OR2M3: variants seen among roughly 807,000 people sequenced by gnomAD.
OR2M3 encodes the protein olfactory receptor 2M3.
A neutral mutation model predicts 4.3 loss-of-function variants in OR2M3; 1 was observed. That is an observed-to-expected ratio of 0.23 (90% CI 0.08 to 1.11). The LOEUF (loss-of-function observed/expected upper bound fraction) is 1.11, where lower values mean the gene tolerates loss of function less well. Among genes scored for constraint, OR2M3 ranks in the 50% most tolerant of loss-of-function variants. The probability of loss-of-function intolerance (pLI) is 0.54; values close to 1 mark genes in which losing one functional copy is unlikely to be tolerated. For missense variants in OR2M3, 410 were observed against 390.4 expected (o/e 1.05, Z -0.42); for synonymous variants, 151 against 139.4 (o/e 1.08, Z -0.59).
Position 248,210,042 on chromosome 1 carries a change from C to T in OR2M3, c.*6036C>T. On this transcript the variant is annotated 3_prime_UTR_variant, in exon 2 of 2. Coordinates refer to ENST00000641626, the MANE Select transcript of OR2M3 (RefSeq NM_001004689.2). ...CTGTGGCAGATGGGGGTGTGGTTTC[C>T]AGTCCATTGGAGTTATATTCCTAGG... is the stretch of plus-strand genomic sequence containing the variant. 6.6e-6 allele frequency: 1 copy of T among 152,628 alleles called. No homozygotes were observed. Among genetic ancestry groups the T allele is most frequent in the Non-Finnish European group, 1.5e-5 (1 of 68,380 alleles). 9.5% of individuals were successfully genotyped at this position (152,628 alleles called of 1,614,324 possible). A position where few individuals can be genotyped will look rare whatever the true frequency, so the allele number is the denominator to read the frequency against.
chr1:248,203,135 C>G lies in OR2M3; in HGVS notation c.68C>G (p.Thr23Ser). 1 of 1,614,016 alleles carries G rather than the reference C, an allele frequency of 6.2e-7. No homozygotes were observed. The highest frequency in any genetic ancestry group is 8.5e-7 in the Non-Finnish European group (1 of 1,179,964). The change falls in exon 2 of 2, where the codon ACC (threonine) becomes AGC (serine). Residue 23 changes from threonine to serine, a missense_variant. Coordinates refer to ENST00000641626, the MANE Select transcript of OR2M3 (RefSeq NM_001004689.2). ...ILLGIFNHSP[T>S]HTFLFFLVLA... is the part of the protein sequence containing the mutation. ...CTGGGAATCTTCAATCACAGCCCCA[C>G]CCACACCTTCCTCTTCTTTCTGGTC...
At chr1:248,202,080 A>G (rs549898465) in intron 1 of OR2M3, among the ~76,000 whole-genome samples, 1 of 152,326 alleles carries the variant, frequency 6.6e-6, no homozygotes, top group South Asian at 2.1e-4. Flanking sequence ...ACCTAAAACA[A>G]CAGAATTTTA....
Position 248,203,607 on chromosome 1 carries a change from C to T in OR2M3, c.540C>T (p.Asp180=). 1 of 1,613,818 alleles carries T rather than the reference C, an allele frequency of 6.2e-7. No individual in the cohort carries two copies. The highest frequency in any genetic ancestry group is 8.5e-7 in the Non-Finnish European group (1 of 1,179,814). Residue 180 remains aspartate (D), a synonymous_variant, in exon 2 of 2, where the codon GAC becomes GAT. Transcript: ENST00000641626. ...GGGAAATAGCCCACTTCTTCTGTGA[C>T]TTCCCCTCCCTACTAATCCTCTCAT... ...GSREIAHFFC[D]FPSLLILSCS... is the part of the protein sequence containing the mutation.
rs1260860719 is a variant in OR2M3 at position 248,206,117 on chromosome 1, T to G, written c.*2111T>G. ...GATTCTCAGCTGGTTGCCATTAGTA[T>G]ATAGCAGAGCTACTGATTTGTGTAC... is the stretch of plus-strand genomic sequence containing the variant. On this transcript the variant is annotated 3_prime_UTR_variant, in exon 2 of 2. Transcript: ENST00000641626. 1.3e-5 allele frequency: 2 copies of G among 152,086 alleles called. No homozygotes were observed. The highest frequency in any genetic ancestry group is 2.9e-5 in the Non-Finnish European group (2 of 67,956). 9.4% of individuals were successfully genotyped at this position (152,086 alleles called of 1,614,324 possible). A position where few individuals can be genotyped will look rare whatever the true frequency, so the allele number is the denominator to read the frequency against.
intron 1 of OR2M3, 43 bp from the exon 2 acceptor site, chr1:248,203,007 A>C: frequency 6.6e-7 from 1 of 1,524,094 alleles, no homozygotes; most frequent in African/African-American, 1.4e-5. Flanking sequence ...TAAGGCACTG[A>C]GTAAAGTTTT....
At chr1:248,198,382 T>C (rs894569591) in intron 1 of OR2M3, among the ~76,000 whole-genome samples, 2 of 152,174 alleles carry the variant, frequency 1.3e-5, no homozygotes, top group Admixed American at 6.6e-5. Flanking sequence ...TGCTACTTCT[T>C]GTAGTTATGC....
chr1:248,197,604 G>A (rs987991793), intron 1 of OR2M3, among the ~76,000 whole-genome samples: 1 of 152,126 alleles, frequency 6.6e-6, no homozygotes, highest in African/African-American at 2.4e-5. Context: ...ACAGTGAATA[G>A]ATGTCAGAGG....
chr1:248,204,132 A>T lies in OR2M3; in HGVS notation c.*126A>T. The T allele has an allele frequency of 1.3e-6, 1 of 776,032 alleles. No homozygotes were observed. The highest frequency in any genetic ancestry group is 2.1e-6 in the Non-Finnish European group (1 of 483,300). 48.1% of individuals were successfully genotyped at this position (776,032 alleles called of 1,614,324 possible). A position where few individuals can be genotyped will look rare whatever the true frequency, so the allele number is the denominator to read the frequency against. On this transcript the variant is annotated 3_prime_UTR_variant, in exon 2 of 2. Coordinates refer to ENST00000641626, the MANE Select transcript of OR2M3 (RefSeq NM_001004689.2). ...AATCTGCAATGACATATTTATGTGC[A>T]CCTATATAATTTATTTCAGATAAAC...
intron 1 of OR2M3, among the ~76,000 whole-genome samples, chr1:248,198,174 G>A (rs928996478): frequency 1.3e-5 from 2 of 152,026 alleles, no homozygotes; most frequent in African/African-American, 4.8e-5. Flanking sequence ...AATATTACCA[G>A]TGCCTTTGAA....
rs1401021224 is a variant in OR2M3, at chr1:248,212,081, A to G, written c.*8075A>G. The G allele has an allele frequency of 6.6e-6, 1 of 152,208 alleles. No homozygotes were observed. Among genetic ancestry groups the G allele is most frequent in the Non-Finnish European group, 1.5e-5 (1 of 68,036 alleles). The allele number at this position is 152,208 out of a possible 1,614,324, so 9.4% of individuals were successfully genotyped here. On this transcript the variant is annotated 3_prime_UTR_variant, in exon 2 of 2. Transcript: ENST00000641626. ...TCCAGCATATAGATTAAGTGGTCAA[A>G]TAGATATTTCCACAGTGGCTCAAAG...
rs1280200948 is a variant in OR2M3, at chr1:248,207,233, C to T, written c.*3227C>T. ...GTTAATCTTGCTAATGGTCTATCAA[C>T]TTTATTCGTCTTTTTAAAGAACTAG... On this transcript the variant is annotated 3_prime_UTR_variant, in exon 2 of 2. Coordinates refer to ENST00000641626, the MANE Select transcript of OR2M3 (RefSeq NM_001004689.2). 2.0e-5 allele frequency: 3 copies of T among 151,836 alleles called. No homozygotes were observed. Among genetic ancestry groups the T allele is most frequent in the Admixed American group, 2.0e-4 (3 of 15,218 alleles). 9.4% of individuals were successfully genotyped at this position (151,836 alleles called of 1,614,324 possible). A position where few individuals can be genotyped will look rare whatever the true frequency, so the allele number is the denominator to read the frequency against.
rs1461856782 is a variant in OR2M3 at position 248,210,959 on chromosome 1, G to A, written c.*6953G>A. ...CTGTCCATCTGAGTGGGAGCTGCAAGCTAGTCCTGCCTCCTATCCACCATC... is the reference window on the plus strand; with the variant it reads ...CTGTCCATCTGAGTGGGAGCTGCAAACTAGTCCTGCCTCCTATCCACCATC... On this transcript the variant is annotated 3_prime_UTR_variant, in exon 2 of 2. Transcript: ENST00000641626. The A allele has an allele frequency of 6.6e-6, 1 of 152,234 alleles. No homozygotes were observed. 9.4% of individuals were successfully genotyped at this position (152,234 alleles called of 1,614,324 possible).
intron 1 of OR2M3, among the ~76,000 whole-genome samples, chr1:248,201,636 C>T (rs1666158871): frequency 6.7e-6 from 1 of 150,274 alleles, no homozygotes; most frequent in Admixed American, 6.7e-5. Context: ...TGATGTTCCC[C>T]TTCCTGTGTC....
At chr1:248,200,145 AT>A (rs756454912) in intron 1 of OR2M3, among the ~76,000 whole-genome samples, 2 of 152,228 alleles carry the variant, frequency 1.3e-5, no homozygotes, top group Non-Finnish European at 2.9e-5. Context: ...TCTTGGAGTA[AT>A]ATTGCAGACC....
At position 248,207,863 on chromosome 1, in the gene OR2M3, T is replaced by G. The variant is rs978039459; in HGVS notation, c.*3857T>G. The G allele has an allele frequency of 6.6e-6, 1 of 152,098 alleles. No homozygotes were observed. Among genetic ancestry groups the G allele is most frequent in the African/African-American group, 2.4e-5 (1 of 41,422 alleles). 9.4% of individuals were successfully genotyped at this position (152,098 alleles called of 1,614,324 possible). On this transcript the variant is annotated 3_prime_UTR_variant, in exon 2 of 2. Transcript: ENST00000641626. ...TAGTTTAAGTGCATTGTTTCTTTTTTTACTTTCTGTCTTAAAGACCTGTCT... is the reference window on the plus strand; with the variant it reads ...TAGTTTAAGTGCATTGTTTCTTTTTGTACTTTCTGTCTTAAAGACCTGTCT...
chr1:248,197,520 G>C (rs1666109939), intron 1 of OR2M3, among the ~76,000 whole-genome samples: 1 of 152,162 alleles, frequency 6.6e-6, no homozygotes, highest in Admixed American at 6.6e-5. Context: ...CAGCTTATCA[G>C]TGTGAAAGAT....
intron 1 of OR2M3, among the ~76,000 whole-genome samples, chr1:248,200,492 C>A (rs1410194276): frequency 1.3e-5 from 2 of 152,144 alleles, no homozygotes; most frequent in African/African-American, 4.8e-5. Flanking sequence ...AAGACATTGA[C>A]TGGACCTAGA....
chr1:248,207,839 AG>A lies in OR2M3; in HGVS notation c.*3834del, dbSNP rs1666239702. On this transcript the variant is annotated 3_prime_UTR_variant, in exon 2 of 2. Coordinates refer to ENST00000641626, the MANE Select transcript of OR2M3 (RefSeq NM_001004689.2). ...GTTAATCCCATTTCTTGTAGCATAT[AG>A]TTTAAGTGCATTGTTTCTTTTTTTA... 1 of 152,058 alleles carries A rather than the reference AG, an allele frequency of 6.6e-6. No individual in the cohort carries two copies. Among genetic ancestry groups the A allele is most frequent in the Non-Finnish European group, 1.5e-5 (1 of 67,964 alleles). 9.4% of individuals were successfully genotyped at this position (152,058 alleles called of 1,614,324 possible).
In OR2M3 at chr1:248,198,647, C is replaced by A. The variant is rs147334051; in HGVS notation, c.-19+1346C>A. 9.8e-3 allele frequency among the ~76,000 whole-genome samples: 1,484 copies of A among 152,186 alleles called. 16 individuals are homozygous for A. Among genetic ancestry groups the A allele is most frequent in the Middle Eastern group, 0.041 (12 of 294 alleles). Reference sequence around the variant, plus strand: ...TCAGTGTCTCTTTTCCATCATCTCCCTCAGTGACTTCTCAATTTCTCAACA... The same window carrying A: ...TCAGTGTCTCTTTTCCATCATCTCCATCAGTGACTTCTCAATTTCTCAACA... On this transcript the variant is annotated intron_variant, in intron 1 of 1. Coordinates refer to ENST00000641626, the MANE Select transcript of OR2M3 (RefSeq NM_001004689.2).
Sources: gnomAD v4.1 joint callset for allele counts (sites outside exome capture counted in the v4.1 genomes callset) on GRCh38, gnomAD v4.1.1 for gene constraint, MANE v1.5 for transcripts, NCBI Gene and HGNC (gene_info 2026-07-23, HGNC 2026-07-21) for gene names.